CELF4: variants seen among roughly 807,000 people sequenced by gnomAD.
CELF4 encodes the protein CUGBP Elav-like family member 4, also known as CUG-BP- and ETR-3-like factor 4.
A neutral mutation model predicts 59.9 loss-of-function variants in CELF4; 18 were observed. The ratio of observed to expected loss-of-function variants is 0.30; its 90% CI spans 0.21 to 0.45. The LOEUF (loss-of-function observed/expected upper bound fraction) is 0.45. Ranked by LOEUF, CELF4 falls within the 20% of genes least tolerant of loss-of-function variation. The probability of loss-of-function intolerance (pLI) is 1.00; values close to 1 mark genes in which losing one functional copy is unlikely to be tolerated. For synonymous variants in CELF4, 261 were observed against 267.1 expected, an observed-to-expected ratio of 0.98 and a Z score of 0.22; for missense variants, 456 against 689.0, an observed-to-expected ratio of 0.66 and a Z score of 3.79.
intron 2 of CELF4, among the ~76,000 whole-genome samples, chr18:37,403,521 A>G (rs1362332891): frequency 6.6e-6 from 1 of 152,034 alleles, no homozygotes; most frequent in Non-Finnish European, 1.5e-5. Context: ...ATGTGACTCC[A>G]TGTTTGCATG....
chr18:37,251,654 G>A (rs569056654), intron 12 of CELF4, among the ~76,000 whole-genome samples: 2 of 152,296 alleles, frequency 1.3e-5, no homozygotes, highest in Admixed American at 1.3e-4. Context: ...TAATGGCAGA[G>A]CTATGCTGAT....
intron 3 of CELF4, among the ~76,000 whole-genome samples, chr18:37,308,849 G>C (rs2096543786): frequency 6.6e-6 from 1 of 152,162 alleles, no homozygotes; most frequent in Non-Finnish European, 1.5e-5. Context: ...GGCCATGCCT[G>C]GTCAGGTTGG....
At chr18:37,394,125 G>A (rs2099206985) in intron 2 of CELF4, among the ~76,000 whole-genome samples, 1 of 152,116 alleles carries the variant, frequency 6.6e-6, no homozygotes, top group Admixed American at 6.5e-5. Flanking sequence ...CTCGGGGACC[G>A]GCCCGACGGG....
chr18:37,426,375 G>T (rs2099612637), intron 2 of CELF4, among the ~76,000 whole-genome samples: 1 of 152,188 alleles, frequency 6.6e-6, no homozygotes, highest in South Asian at 2.1e-4. Context: ...TTGGTCCTAG[G>T]AGTTGGTGGC....
At chr18:37,353,169 C>A (rs911219113) in intron 2 of CELF4, among the ~76,000 whole-genome samples, 8 of 143,714 alleles carry the variant, frequency 5.6e-5, no homozygotes, top group Non-Finnish European at 9.0e-5. Context: ...TGCAGTGAGC[C>A]GAGATTGCGC....
At position 37,259,254 on chromosome 18, in the gene CELF4, G is replaced by A. The variant is rs2072549634; in HGVS notation, c.1260C>T (p.Gly420=). ...GCAGATGGTAGATGAACAGGTTACA[G>A]CCCTCGGGCCCTGCGGTGAGGGGAG... ...IPQQQREGPE[G]CNLFIYHLPQ... is the part of the protein sequence containing the mutation. Residue 420 remains glycine, a synonymous_variant, in exon 11 of 13, where the codon GGC becomes GGT. Coordinates refer to ENST00000420428, the MANE Select transcript of CELF4 (RefSeq NM_020180.4). The A allele has an allele frequency of 2.8e-6, 4 of 1,419,094 alleles. No homozygotes were observed. The highest frequency in any genetic ancestry group is 3.8e-6 in the Non-Finnish European group (4 of 1,054,338). The allele number at this position is 1,419,094 out of a possible 1,614,324, so 87.9% of individuals were successfully genotyped here.
chr18:37,295,271 C>T (rs2095574527), intron 3 of CELF4, among the ~76,000 whole-genome samples: 1 of 152,246 alleles, frequency 6.6e-6, no homozygotes, highest in Admixed American at 6.5e-5. Flanking sequence ...TCAAAGATGT[C>T]ATCCAGTGGT....
chr18:37,443,933 G>C (rs2099740568), intron 2 of CELF4, among the ~76,000 whole-genome samples: 1 of 152,094 alleles, frequency 6.6e-6, no homozygotes, highest in African/African-American at 2.4e-5. Context: ...AAATTTAGAG[G>C]TTTCTGCAAC....
Position 37,296,526 on chromosome 18 carries a change from T to A in CELF4, c.449-21283A>T, listed in dbSNP as rs11662117. ...GTTTTTAATGTGTTGGGTGACCATA[T>A]AATTTATTGCCCAAACCAGGACCCT... On this transcript the variant is annotated intron_variant, in intron 3 of 12. Coordinates refer to ENST00000420428, the MANE Select transcript of CELF4 (RefSeq NM_020180.4). 4.6e-3 allele frequency among the ~76,000 whole-genome samples: 707 copies of A among 152,274 alleles called. 4 individuals are homozygous for A. Among genetic ancestry groups the A allele is most frequent in the Non-Finnish European group, 6.8e-3 (460 of 68,026 alleles).
In CELF4 at chr18:37,274,893, A is replaced by G; in HGVS notation, c.578-9T>C. ...CTTCACAAAGGCGCACCCTGCGAGG[A>G]CGCGAGAGGCCGAGCTGGGACCCAG... is the stretch of plus-strand genomic sequence containing the variant. On this transcript the variant is annotated splice_polypyrimidine_tract_variant and intron_variant, in intron 4 of 12. Coordinates refer to ENST00000420428, the MANE Select transcript of CELF4 (RefSeq NM_020180.4). The G allele has an allele frequency of 6.2e-7, 1 of 1,605,224 alleles. No homozygotes were observed. The highest frequency in any genetic ancestry group is 8.5e-7 in the Non-Finnish European group (1 of 1,176,592).
chr18:37,484,364 A>G (rs2099876623), intron 2 of CELF4, among the ~76,000 whole-genome samples: 1 of 152,218 alleles, frequency 6.6e-6, no homozygotes, highest in African/African-American at 2.4e-5. Flanking sequence ...ATGTGCATGT[A>G]GCCGCGCAAC....
chr18:37,298,075 T>C (rs770741164), intron 3 of CELF4, among the ~76,000 whole-genome samples: 1 of 152,204 alleles, frequency 6.6e-6, no homozygotes, highest in Non-Finnish European at 1.5e-5. Context: ...GCTCCACGAA[T>C]GGGCTAAGGA....
intron 2 of CELF4, among the ~76,000 whole-genome samples, chr18:37,458,942 C>A (rs2099786095): frequency 6.6e-6 from 1 of 152,220 alleles, no homozygotes; most frequent in South Asian, 2.1e-4. Flanking sequence ...AGCTTGCAGG[C>A]TGAGCTCATC....
At chr18:37,514,520 C>G (rs559346975) in intron 1 of CELF4, among the ~76,000 whole-genome samples, 4 of 152,038 alleles carry the variant, frequency 2.6e-5, no homozygotes, top group African/African-American at 9.7e-5. Context: ...GCTCAGAGCC[C>G]CCTTGAAGAG....
chr18:37,458,312 A>G (rs560615599), intron 2 of CELF4, among the ~76,000 whole-genome samples: 19 of 152,250 alleles, frequency 1.2e-4, no homozygotes, highest in Middle Eastern at 3.4e-3. Context: ...TTCCAGGTGC[A>G]CACTAGAACT....
At chr18:37,320,300 C>T (rs1350346090) in intron 3 of CELF4, among the ~76,000 whole-genome samples, 14 of 143,012 alleles carry the variant, frequency 9.8e-5, no homozygotes, top group African/African-American at 3.7e-4. Context: ...CACACCACTG[C>T]ACTCCAGCCT....
At chr18:37,518,277 TA>T (rs1185482266) in intron 1 of CELF4, among the ~76,000 whole-genome samples, 3 of 152,166 alleles carry the variant, frequency 2.0e-5, no homozygotes, top group Non-Finnish European at 4.4e-5. Context: ...TTTCAGCCCT[TA>T]TTGGATTATA....
intron 3 of CELF4, among the ~76,000 whole-genome samples, chr18:37,306,879 C>T (rs1032148506): frequency 1.1e-4 from 16 of 152,202 alleles, no homozygotes; most frequent in East Asian, 7.7e-4. Flanking sequence ...AGTGATACTC[C>T]GTCAGGGCGA....
chr18:37,501,418 C>T (rs747774158), intron 1 of CELF4, among the ~76,000 whole-genome samples: 9 of 152,242 alleles, frequency 5.9e-5, no homozygotes, highest in Non-Finnish European at 1.0e-4. Flanking sequence ...CCTGGCAGCC[C>T]TCTGGGGCCT....
Sources: gnomAD v4.1 joint callset for allele counts (sites outside exome capture counted in the v4.1 genomes callset) on GRCh38, gnomAD v4.1.1 for gene constraint, MANE v1.5 for transcripts, NCBI Gene and HGNC (gene_info 2026-07-23, HGNC 2026-07-21) for gene names.